SF3B3: variants seen among roughly 807,000 people sequenced by gnomAD.
SF3B3 encodes the protein splicing factor 3b subunit 3.
Under a neutral mutation model 139.2 loss-of-function variants are expected in SF3B3, and 33 were observed. The ratio of observed to expected loss-of-function variants is 0.24; its 90% CI spans 0.18 to 0.32. The LOEUF (loss-of-function observed/expected upper bound fraction) is 0.32. Among genes scored for constraint, SF3B3 ranks in the 10% least tolerant of loss-of-function variants. SF3B3 has a pLI of 1.00. For missense variants in SF3B3, 818 were observed against 1,509.4 expected, an observed-to-expected ratio of 0.54 and a Z score of 7.59; for synonymous variants, 596 against 563.6, an observed-to-expected ratio of 1.06 and a Z score of -0.81.
chr16:70,564,963 A>G, intron 18 of SF3B3, 102 bp from the exon 19 acceptor site: 5 of 1,029,352 alleles, frequency 4.9e-6, no homozygotes, highest in Non-Finnish European at 7.6e-6. Flanking sequence ...TTGCTGCTTT[A>G]TGTATTGAGA....
intron 18 of SF3B3, 56 bp downstream of exon 18, chr16:70,564,106 A>T: frequency 6.4e-7 from 1 of 1,567,424 alleles, no homozygotes. Context: ...TTATGTTGAA[A>T]AGTTTAAACT....
intron 10 of SF3B3, among the ~76,000 whole-genome samples, chr16:70,547,594 A>G (rs958952785): frequency 2.6e-5 from 4 of 152,060 alleles, no homozygotes; most frequent in Non-Finnish European, 5.9e-5. Context: ...GTGGTGACTG[A>G]TTTCTTTCTT....
At chr16:70,571,448 T>C (rs1304709798) in intron 25 of SF3B3, among the ~76,000 whole-genome samples, 1 of 152,174 alleles carries the variant, frequency 6.6e-6, no homozygotes. Flanking sequence ...CTGGGCGTGG[T>C]GGCACACATT....
intron 6 of SF3B3, chr16:70,537,931 A>T (rs1567412475): frequency 6.6e-6 from 3 of 457,938 alleles, no homozygotes; most frequent in Admixed American, 2.5e-5. Flanking sequence ...ATTCAAAGTC[A>T]TACCTAAGGA....
intron 24 of SF3B3, among the ~76,000 whole-genome samples, 183 bp downstream of exon 24, chr16:70,570,332 G>GTTTTTTT (rs1290801731): frequency 9.4e-6 from 1 of 106,868 alleles, no homozygotes; most frequent in Non-Finnish European, 2.0e-5. Context: ...AAGGCCATTT[G>GTTTTTTT]GTTTTTTTTT....
Position 70,532,514 on chromosome 16 carries a change from T to C in SF3B3, c.606T>C (p.Ala202=). 1.2e-6 allele frequency: 2 copies of C among 1,614,138 alleles called. No homozygotes were observed. Among genetic ancestry groups the C allele is most frequent in the South Asian group, 1.1e-5 (1 of 91,090 alleles). Residue 202 remains alanine (A), a synonymous_variant, in exon 5 of 26, where the codon GCT becomes GCC. Coordinates refer to ENST00000302516, the MANE Select transcript of SF3B3 (RefSeq NM_012426.5). The part of the protein sequence containing the change: ...ADNDPTGEAA[A]NTQQTLTFYE... Reference sequence around the variant, plus strand: ...ATGATCCAACAGGGGAAGCAGCAGCTAATACCCAGCAGACACTTACTTTCT... The same window carrying C: ...ATGATCCAACAGGGGAAGCAGCAGCCAATACCCAGCAGACACTTACTTTCT...
At chr16:70,547,006 C>T (rs561578751) in intron 10 of SF3B3, among the ~76,000 whole-genome samples, 4 of 151,270 alleles carry the variant, frequency 2.6e-5, no homozygotes, top group South Asian at 2.1e-4. Context: ...CGAGCCTGGG[C>T]GACAGAGCGA....
rs1181069493 is a variant in SF3B3, at chr16:70,569,129, G to T, written c.3252G>T (p.Gly1084=). Residue 1084 remains glycine (G), a synonymous_variant, in exon 23 of 26, where the codon GGG becomes GGT. Coordinates refer to ENST00000302516, the MANE Select transcript of SF3B3 (RefSeq NM_012426.5). ...TGTGGGACCGTGGCTTGCTCAATGG[G>T]GCCTCCCAGAAGGTAAGATTGCAGA... ...KALWDRGLLN[G]ASQKAEVIMN... is the part of the protein sequence containing the mutation. The T allele has an allele frequency of 6.8e-6, 11 of 1,608,930 alleles. No individual in the cohort carries two copies. Among genetic ancestry groups the T allele is most frequent in the Non-Finnish European group, 8.5e-6 (10 of 1,177,466 alleles).
chr16:70,570,239 CAT>C, intron 24 of SF3B3, 90 bp downstream of exon 24: 2 of 1,219,316 alleles, frequency 1.6e-6, no homozygotes, highest in South Asian at 2.8e-5. Flanking sequence ...TTTGTCCCCA[CAT>C]ATAATTAATA....
chr16:70,567,215 G>C (rs1000456994), intron 20 of SF3B3, among the ~76,000 whole-genome samples, 196 bp from the exon 21 acceptor site: 1 of 152,194 alleles, frequency 6.6e-6, no homozygotes, highest in African/African-American at 2.4e-5. Context: ...GTCAGTTACA[G>C]CATTGATCCC....
chr16:70,525,187 G>A (rs1463997906), intron 1 of SF3B3, among the ~76,000 whole-genome samples: 1 of 151,866 alleles, frequency 6.6e-6, no homozygotes, highest in Admixed American at 6.6e-5. Context: ...GTGCCACCGC[G>A]CCCGGCTAGT....
At chr16:70,554,413 T>A (rs1198452944) in intron 11 of SF3B3, 33 bp from the exon 12 acceptor site, 2 of 1,609,974 alleles carry the variant, frequency 1.2e-6, no homozygotes, top group Non-Finnish European at 1.7e-6. Flanking sequence ...TAATGAGTTC[T>A]TATCTAACCA....
intron 11 of SF3B3, among the ~76,000 whole-genome samples, chr16:70,551,322 C>G (rs749155369): frequency 1.3e-5 from 2 of 152,156 alleles, no homozygotes; most frequent in Non-Finnish European, 2.9e-5. Context: ...TAACATGAGA[C>G]TTGAATTCCT....
chr16:70,551,794 C>T (rs1443666579), intron 11 of SF3B3, among the ~76,000 whole-genome samples: 2 of 152,152 alleles, frequency 1.3e-5, no homozygotes, highest in East Asian at 1.9e-4. Flanking sequence ...TCCTCCCTCC[C>T]CAGCCTCCCA....
chr16:70,546,261 G>A (rs779051280), intron 10 of SF3B3, among the ~76,000 whole-genome samples: 7 of 152,174 alleles, frequency 4.6e-5, no homozygotes, highest in Non-Finnish European at 8.8e-5. Flanking sequence ...GTGAGCCACC[G>A]CGCCTGGCCA....
At chr16:70,544,952 C>G (rs1428947510) in intron 10 of SF3B3, among the ~76,000 whole-genome samples, 2 of 152,228 alleles carry the variant, frequency 1.3e-5, no homozygotes, top group South Asian at 4.1e-4. Flanking sequence ...ATTTCACTCT[C>G]TGTATACATC....
chr16:70,535,024 T>G (rs907978161), intron 5 of SF3B3, among the ~76,000 whole-genome samples: 9 of 152,166 alleles, frequency 5.9e-5, no homozygotes, highest in Admixed American at 4.6e-4. Flanking sequence ...GGTGATTTGA[T>G]GTATTATAGG....
At chr16:70,526,471 G>GT (rs1231717321) in intron 1 of SF3B3, 116 bp from the exon 2 acceptor site, 1 of 565,966 alleles carries the variant, frequency 1.8e-6, no homozygotes, top group African/African-American at 1.9e-5. Flanking sequence ...CACATATGTT[G>GT]TTTCTTAATA....
chr16:70,543,364 C>G (rs1395214837), intron 9 of SF3B3, among the ~76,000 whole-genome samples: 1 of 148,838 alleles, frequency 6.7e-6, no homozygotes, highest in Non-Finnish European at 1.5e-5. Flanking sequence ...GAGCTGAGAT[C>G]ACACCATTGT....
Sources: gnomAD v4.1 joint callset for allele counts (sites outside exome capture counted in the v4.1 genomes callset) on GRCh38, gnomAD v4.1.1 for gene constraint, MANE v1.5 for transcripts, NCBI Gene and HGNC (gene_info 2026-07-23, HGNC 2026-07-21) for gene names.